Variants in TAFA2 observed in about 807,000 individuals in gnomAD.
The protein encoded by TAFA2 is TAFA chemokine like family member 2.
TAFA2 carries 7 observed loss-of-function variants against 18.8 expected under a neutral mutation model. That is an observed-to-expected ratio of 0.37 (90% CI 0.21 to 0.70). The LOEUF is 0.70. TAFA2 is among the 30% of genes least tolerant of loss of function. The pLI, the probability that TAFA2 is intolerant of heterozygous loss-of-function variation, is 0.53. For synonymous variants in TAFA2, 60 were observed against 54.2 expected, an observed-to-expected ratio of 1.11 and a Z score of -0.47; for missense variants, 122 against 158.1, an observed-to-expected ratio of 0.77 and a Z score of 1.23.
chr12:61,996,019 AT>A (rs892970337), intron 1 of TAFA2, among the ~76,000 whole-genome samples: 10 of 151,320 alleles, frequency 6.6e-5, no homozygotes, highest in South Asian at 2.1e-4. Flanking sequence ...CCATTAGTTG[AT>A]TTTTTTTTCT....
intron 4 of TAFA2, among the ~76,000 whole-genome samples, chr12:61,735,254 T>C (rs1565755590): frequency 6.6e-6 from 1 of 152,054 alleles, no homozygotes; most frequent in Non-Finnish European, 1.5e-5. Flanking sequence ...TGTATATCTT[T>C]CCCATTATTG....
In TAFA2 at chr12:61,828,894, A is replaced by G. The variant is rs1872618162; in HGVS notation, c.106+38426T>C. On this transcript the variant is annotated intron_variant, in intron 2 of 4. Coordinates refer to ENST00000416284, the MANE Select transcript of TAFA2 (RefSeq NM_178539.5). ...TTTCAGCATTAAATTTTAAAACTTT[A>G]ATTAGAGAATTAGCAGTGATTCCAC... Among the ~76,000 whole-genome samples the G allele has an allele frequency of 3.3e-5, 5 of 151,782 alleles. No individual in the cohort carries two copies. The South Asian group carries it at 1.0e-3, about 31-fold the overall frequency.
chr12:61,884,315 C>T (rs534339535), intron 1 of TAFA2, among the ~76,000 whole-genome samples: 3 of 152,100 alleles, frequency 2.0e-5, no homozygotes, highest in Non-Finnish European at 4.4e-5. Flanking sequence ...AGGACATCAG[C>T]CTAAACATGT....
chr12:61,949,857 T>C (rs980826079), intron 1 of TAFA2, among the ~76,000 whole-genome samples: 4 of 152,314 alleles, frequency 2.6e-5, no homozygotes, highest in South Asian at 2.1e-4. Context: ...TGTTGTGACA[T>C]AGATCTTCAA....
intron 1 of TAFA2, among the ~76,000 whole-genome samples, chr12:62,141,708 C>G (rs1429730244): frequency 2.0e-5 from 3 of 152,096 alleles, no homozygotes; most frequent in Admixed American, 6.6e-5. Context: ...GATATGCAAG[C>G]CAAACAATTA....
rs543188140 is a variant in TAFA2, at chr12:61,953,287, G to A, written c.-1-85861C>T. On this transcript the variant is annotated intron_variant, in intron 1 of 4. Transcript: ENST00000416284. ...TCATCCACCTAGTCTGTGTTTTTAA[G>A]GTGGTTATTTTGTTTGGATTACAGG... is the stretch of plus-strand genomic sequence containing the variant. Among the ~76,000 whole-genome samples the A allele has an allele frequency of 2.3e-3, 343 of 152,140 alleles. 2 individuals are homozygous for A. Among genetic ancestry groups the A allele is most frequent in the African/African-American group, 7.9e-3 (326 of 41,490 alleles).
chr12:61,890,218 G>T (rs909316198), intron 1 of TAFA2: 1 of 152,246 alleles, frequency 6.6e-6, no homozygotes, highest in African/African-American at 2.4e-5. Context: ...AGGTCACTTT[G>T]TGGATTCCCA....
intron 1 of TAFA2, among the ~76,000 whole-genome samples, chr12:62,136,364 T>C (rs1172923352): frequency 6.6e-6 from 1 of 152,138 alleles, no homozygotes; most frequent in Non-Finnish European, 1.5e-5. Context: ...GCAGTTTTTG[T>C]CTTCTTTATG....
chr12:62,036,466 G>A (rs745346729), intron 1 of TAFA2, among the ~76,000 whole-genome samples: 6 of 152,136 alleles, frequency 3.9e-5, no homozygotes, highest in Non-Finnish European at 8.8e-5. Flanking sequence ...CGACAGAAGT[G>A]GGAACAGGGC....
intron 1 of TAFA2, chr12:62,021,487 C>A: frequency 8.7e-5 from 26 of 297,808 alleles, no homozygotes; most frequent in East Asian, 4.8e-4. Flanking sequence ...TTTTTTTTTT[C>A]TGTCTTTGTA....
At chr12:62,088,806 A>G (rs1868574693) in intron 1 of TAFA2, among the ~76,000 whole-genome samples, 1 of 151,990 alleles carries the variant, frequency 6.6e-6, no homozygotes, top group African/African-American at 2.4e-5. Flanking sequence ...TGCCAAACAC[A>G]TTATTATTTT....
At chr12:61,949,089 T>G (rs1878375922) in intron 1 of TAFA2, among the ~76,000 whole-genome samples, 1 of 152,174 alleles carries the variant, frequency 6.6e-6, no homozygotes, top group Non-Finnish European at 1.5e-5. Context: ...AGAGTGTTTT[T>G]GAATGAAATT....
chr12:62,184,649 C>T (rs1349214980), intron 1 of TAFA2, among the ~76,000 whole-genome samples: 1 of 151,312 alleles, frequency 6.6e-6, no homozygotes, highest in African/African-American at 2.4e-5. Flanking sequence ...GCACACACAC[C>T]CATGCCTGGC....
In TAFA2 at chr12:61,851,774, CAAAAAAAAAAAAAAAAAAAAAAAAAAA is replaced by C. The variant is rs55651727; in HGVS notation, c.106+15519_106+15545del. ...TGGGCGACAGAGCGAGACTCCATCT[CAAAAAAAAAAAAAAAAAAAAAAAAAAA>C]AAAAAAAAAAAAAAAAACATGTTCT... On this transcript the variant is annotated intron_variant, in intron 2 of 4. Transcript: ENST00000416284. 4.6e-3 allele frequency among the ~76,000 whole-genome samples: 66 copies of C among 14,504 alleles called. 1 individual carries two copies. The highest frequency in any genetic ancestry group is 7.6e-3 in the South Asian group (1 of 132). The allele number at this position is 14,504 out of a possible 152,430, so 9.5% of individuals were successfully genotyped here. A position where few individuals can be genotyped will look rare whatever the true frequency, so the allele number is the denominator to read the frequency against.
intron 1 of TAFA2, among the ~76,000 whole-genome samples, chr12:61,911,405 C>T (rs1379645756): frequency 1.3e-5 from 2 of 152,152 alleles, no homozygotes; most frequent in Non-Finnish European, 2.9e-5. Context: ...CGTATCAAGC[C>T]ACTTCCATGG....
Position 62,073,562 on chromosome 12 carries a change from C to T in TAFA2, c.-2+117697G>A, listed in dbSNP as rs186775185. On this transcript the variant is annotated intron_variant, in intron 1 of 4. Coordinates refer to ENST00000416284, the MANE Select transcript of TAFA2 (RefSeq NM_178539.5). ...AGGTGTTATAGGTAGGTGTTATTAT[C>T]TTATCTATATATTATAGATAAGAAA... Among the ~76,000 whole-genome samples the T allele has an allele frequency of 1.3e-3, 204 of 151,746 alleles. 3 individuals carry two copies. The highest frequency in any genetic ancestry group is 4.7e-3 in the African/African-American group (194 of 41,390).
intron 1 of TAFA2, among the ~76,000 whole-genome samples, chr12:62,160,563 G>A (rs1468356954): frequency 6.6e-6 from 1 of 152,178 alleles, no homozygotes; most frequent in Admixed American, 6.5e-5. Flanking sequence ...ATGTGAAGGA[G>A]TTAGAAATTG....
chr12:62,232,640 T>G (rs1056558672), intron 1 of TAFA2, among the ~76,000 whole-genome samples: 1 of 151,940 alleles, frequency 6.6e-6, no homozygotes, highest in East Asian at 1.9e-4. Flanking sequence ...GCCCCCCGAG[T>G]AGCTGGGATT....
intron 1 of TAFA2, among the ~76,000 whole-genome samples, chr12:62,179,932 C>T (rs1183879002): frequency 6.6e-6 from 1 of 152,172 alleles, no homozygotes; most frequent in African/African-American, 2.4e-5. Context: ...GTCTGCCATA[C>T]CATCTGCCCA....
Sources: allele counts gnomAD v4.1 joint callset (sites outside exome capture counted in the v4.1 genomes callset), GRCh38; gene constraint gnomAD v4.1.1; transcripts MANE v1.5; gene names NCBI Gene and HGNC (gene_info 2026-07-23, HGNC 2026-07-21).